The following MAGOHB variants were observed in gnomAD, a reference collection of about 807,000 sequenced individuals.
MAGOHB encodes mago homolog B, exon junction complex subunit.
Under a neutral mutation model 20.9 loss-of-function variants are expected in MAGOHB, and 15 were observed. That is an observed-to-expected ratio of 0.72 (90% CI 0.48 to 1.11). The LOEUF (loss-of-function observed/expected upper bound fraction) is 1.11, where lower values mean the gene tolerates loss of function less well. Among genes scored for constraint, MAGOHB ranks in the 50% least tolerant of loss-of-function variants. The pLI, the probability that MAGOHB is intolerant of heterozygous loss-of-function variation, is 0.00. For missense variants in MAGOHB, 162 were observed against 177.6 expected (o/e 0.91, Z 0.50); for synonymous variants, 50 against 57.9 (o/e 0.86, Z 0.62).
intron 1 of MAGOHB, among the ~76,000 whole-genome samples, 176 bp from the exon 2 acceptor site, chr12:10,610,856 T>C (rs536499863): frequency 2.4e-4 from 36 of 152,312 alleles, no homozygotes; most frequent in African/African-American, 8.7e-4. Context: ...CTGGTTAAGT[T>C]TGCTGAAGTT....
chr12:10,606,293 G>C lies in MAGOHB; in HGVS notation c.429C>G (p.Phe143Leu), dbSNP rs757559767. The change falls in exon 5 of 5, where the codon TTC becomes TTG. Residue 143 changes from phenylalanine (F) to leucine (L), a missense_variant. Transcript: ENST00000320756. ...ATACAATTTAAATTGGTTTAATCTT[G>C]AAGTGTAATCCAATAAGACTGAAAA... ...CLVFSLIGLH[F>L]KIKPI 6.5e-7 allele frequency: 1 copy of C among 1,528,436 alleles called. No individual in the cohort carries two copies. Among genetic ancestry groups the C allele is most frequent in the Non-Finnish European group, 8.9e-7 (1 of 1,120,888 alleles). 94.7% of individuals were successfully genotyped at this position (1,528,436 alleles called of 1,614,324 possible).
chr12:10,613,553 C>T lies in MAGOHB; in HGVS notation c.-21G>A. 1.3e-6 allele frequency: 2 copies of T among 1,567,028 alleles called. No individual in the cohort carries two copies. The highest frequency in any genetic ancestry group is 1.8e-6 in the Non-Finnish European group (2 of 1,137,184). ...GCCATTTTTGTACCCGGGAAGCCCGCCGAAAACGCAGCCAACGTGTCCCCC... is the reference window on the plus strand; with the variant it reads ...GCCATTTTTGTACCCGGGAAGCCCGTCGAAAACGCAGCCAACGTGTCCCCC... On this transcript the variant is annotated 5_prime_UTR_variant, in exon 1 of 5. Coordinates refer to ENST00000320756, the MANE Select transcript of MAGOHB (RefSeq NM_018048.5).
At position 10,611,986 on chromosome 12, in the gene MAGOHB, A is replaced by G. The variant is rs536879143; in HGVS notation, c.95-1306T>C. Among the ~76,000 whole-genome samples the G allele has an allele frequency of 2.0e-5, 3 of 152,182 alleles. No homozygotes were observed. In the South Asian group the frequency reaches 6.2e-4, roughly 32 times the overall value. ...AACTGAAAATAATACTACATAAAGA[A>G]TAGATGAATTCAGGTAAATTTAGCT... On this transcript the variant is annotated intron_variant, in intron 1 of 4. Transcript: ENST00000320756.
intron 1 of MAGOHB, 66 bp from the exon 2 acceptor site, chr12:10,610,746 C>A: frequency 6.9e-7 from 1 of 1,459,350 alleles, no homozygotes; most frequent in Non-Finnish European, 9.3e-7. Context: ...ACATCATATA[C>A]AATTTTGAAG....
chr12:10,610,294 G>A (rs1241891709), intron 2 of MAGOHB, among the ~76,000 whole-genome samples: 1 of 152,106 alleles, frequency 6.6e-6, no homozygotes, highest in African/African-American at 2.4e-5. Context: ...CAGGAGAATC[G>A]CTTGAGCCTG....
downstream of MAGOHB, among the ~76,000 whole-genome samples, chr12:10,602,941 T>C (rs1455014445): frequency 6.6e-6 from 1 of 152,204 alleles, no homozygotes; most frequent in Non-Finnish European, 1.5e-5. Flanking sequence ...GAAGATGGTC[T>C]GAATCACTTC....
chr12:10,606,667 A>G (rs1865635333), intron 4 of MAGOHB, among the ~76,000 whole-genome samples: 1 of 152,114 alleles, frequency 6.6e-6, no homozygotes, highest in Non-Finnish European at 1.5e-5. Flanking sequence ...CTGTAATGCT[A>G]CCATTTCATA....
intron 3 of MAGOHB, chr12:10,608,599 T>C (rs200460162): frequency 8.4e-6 from 1 of 119,162 alleles, no homozygotes; most frequent in East Asian, 2.2e-4. Flanking sequence ...TAAGAACTAG[T>C]AAAAAAAAAA....
chr12:10,603,549 A>C (rs1188751492), downstream of MAGOHB, among the ~76,000 whole-genome samples: 1 of 66,520 alleles, frequency 1.5e-5, no homozygotes, highest in African/African-American at 6.2e-5. Flanking sequence ...ACATAATGGC[A>C]AAAAAAAAAA....
chr12:10,610,601 A>T, intron 2 of MAGOHB, 21 bp downstream of exon 2: 5 of 1,354,516 alleles, frequency 3.7e-6, no homozygotes, highest in Non-Finnish European at 4.8e-6. Context: ...AAAAAAAAAA[A>T]GACATTCACA....
chr12:10,606,281 TG>T lies in MAGOHB; in HGVS notation c.440del (p.Pro147GlnfsTer41), dbSNP rs1460800025. On this transcript the variant is annotated frameshift_variant, in exon 5 of 5. Transcript: ENST00000320756. LOFTEE classifies it high-confidence loss of function. Reference protein sequence around the residue: ...SLIGLHFKIKPI With the variant: ...SLIGLHFKIKXI The stretch of plus-strand genomic sequence containing the variant: ...CAGCCTGAAAACATACAATTTAAAT[TG>T]GTTTAATCTTGAAGTGTAATCCAAT... 2 of 1,464,938 alleles carry T rather than the reference TG, an allele frequency of 1.4e-6. No homozygotes were observed. The highest frequency in any genetic ancestry group is 1.4e-5 in the African/African-American group (1 of 70,376). The allele number at this position is 1,464,938 out of a possible 1,614,324, so 90.7% of individuals were successfully genotyped here.
chr12:10,610,585 A>C (rs749140548), intron 2 of MAGOHB, 37 bp downstream of exon 2: 59,802 of 1,099,306 alleles, frequency 0.054, 730 homozygotes, highest in East Asian at 0.3. Flanking sequence ...TGCAAAAAAA[A>C]AAAAAAAAAA....
chr12:10,605,016 T>C lies in MAGOHB; in HGVS notation c.*1259A>G, dbSNP rs1865599405. 6.6e-6 allele frequency: 1 copy of C among 152,204 alleles called. No individual in the cohort carries two copies. The highest frequency in any genetic ancestry group is 2.4e-5 in the African/African-American group (1 of 41,446). 9.4% of individuals were successfully genotyped at this position (152,204 alleles called of 1,614,324 possible). ...TTAAGTGAAAAACCAAGATTTATTA[T>C]AATAGAGATATTACAGTAAAAAAGA... On this transcript the variant is annotated 3_prime_UTR_variant, in exon 5 of 5. Coordinates refer to ENST00000320756, the MANE Select transcript of MAGOHB (RefSeq NM_018048.5).
At chr12:10,612,844 T>A in intron 1 of MAGOHB, 3 of 1,289,124 alleles carry the variant, frequency 2.3e-6, no homozygotes, top group Non-Finnish European at 3.0e-6. Flanking sequence ...GCTCTGGAAG[T>A]CTGTTTTTTT....
chr12:10,601,438 GGGCTTCCAACAA>G (rs1202742332), downstream of MAGOHB, among the ~76,000 whole-genome samples: 1 of 152,112 alleles, frequency 6.6e-6, no homozygotes, highest in African/African-American at 2.4e-5. Flanking sequence ...AGAAGGACCC[GGGCTTCCAACAA>G]GGCTCTTGCC....
At chr12:10,600,136 T>C (rs1270191278), downstream of MAGOHB, among the ~76,000 whole-genome samples, 1 of 152,110 alleles carries the variant, frequency 6.6e-6, no homozygotes, top group Non-Finnish European at 1.5e-5. Context: ...CTCTATAAAA[T>C]TGTGGCATAT....
At chr12:10,601,603 G>T (rs1865555577), downstream of MAGOHB, among the ~76,000 whole-genome samples, 2 of 152,138 alleles carry the variant, frequency 1.3e-5, no homozygotes, top group Admixed American at 6.5e-5. Flanking sequence ...GCCATCCAAG[G>T]TTGCTATGAG....
chr12:10,613,425 G>A lies in MAGOHB; in HGVS notation c.94+14C>T. The A allele has an allele frequency of 1.2e-6, 2 of 1,612,374 alleles. No homozygotes were observed. The highest frequency in any genetic ancestry group is 8.5e-7 in the Non-Finnish European group (1 of 1,178,428). ...CCCCTTTCCCAGCACCGCGTGCCGT[G>A]GGCCTCTTCTCACCGTCCGGCCGAA... is the stretch of plus-strand genomic sequence containing the variant. On this transcript the variant is annotated intron_variant, in intron 1 of 4. Transcript: ENST00000320756.
At chr12:10,607,392 C>T (rs1432154877) in intron 4 of MAGOHB, among the ~76,000 whole-genome samples, 1 of 152,112 alleles carries the variant, frequency 6.6e-6, no homozygotes, top group African/African-American at 2.4e-5. Context: ...GGATGTGCTA[C>T]AAAACCCTGG....
Sources: allele counts gnomAD v4.1 joint callset (sites outside exome capture counted in the v4.1 genomes callset), GRCh38; gene constraint gnomAD v4.1.1; transcripts MANE v1.5; gene names NCBI Gene and HGNC (gene_info 2026-07-23, HGNC 2026-07-21).